The following ANKS1B variants were observed in gnomAD, a reference collection of about 807,000 sequenced individuals.
The protein encoded by ANKS1B is ankyrin repeat and sterile alpha motif domain containing 1B.
Under a neutral mutation model 148.3 loss-of-function variants are expected in ANKS1B, and 36 were observed. The observed-to-expected ratio is 0.24, with a 90% CI of 0.19 to 0.32. ANKS1B has a LOEUF of 0.32. ANKS1B is among the 10% of genes least tolerant of loss of function. ANKS1B has a pLI of 1.00. For synonymous variants in ANKS1B, 542 were observed against 560.8 expected (o/e 0.97, Z 0.47); for missense variants, 1,157 against 1,542.6 (o/e 0.75, Z 4.19).
intron 1 of ANKS1B, among the ~76,000 whole-genome samples, chr12:99,951,171 C>A (rs1278498711): frequency 6.6e-6 from 1 of 152,166 alleles, no homozygotes; most frequent in East Asian, 1.9e-4. Flanking sequence ...TTTATACTCC[C>A]TTCACAAAGC....
chr12:99,793,368 C>T (rs1211149299), intron 4 of ANKS1B, among the ~76,000 whole-genome samples: 1 of 151,932 alleles, frequency 6.6e-6, no homozygotes, highest in Admixed American at 6.6e-5. Flanking sequence ...ACCAAATACC[C>T]AGAATAGCCA....
chr12:99,542,208 C>T (rs529467084), intron 9 of ANKS1B, among the ~76,000 whole-genome samples: 1 of 152,222 alleles, frequency 6.6e-6, no homozygotes, highest in African/African-American at 2.4e-5. Context: ...TGGACAAGTT[C>T]AGCAAGTTTG....
Position 99,196,679 on chromosome 12 carries a change from A to T in ANKS1B, c.2420-42284T>A, listed in dbSNP as rs60394982. Reference sequence around the variant, plus strand: ...AGGGTACATGTGCACAATGTGCAGGATAGTTACATATGTATACATGTGCCA... The same window carrying T: ...AGGGTACATGTGCACAATGTGCAGGTTAGTTACATATGTATACATGTGCCA... On this transcript the variant is annotated intron_variant, in intron 14 of 26. Coordinates refer to ENST00000683438, the MANE Select transcript of ANKS1B (RefSeq NM_001352186.2). 4.4e-3 allele frequency among the ~76,000 whole-genome samples: 662 copies of T among 151,464 alleles called. 22 individuals are homozygous for T. In the East Asian group the frequency reaches 0.086, roughly 20 times the overall value.
intron 9 of ANKS1B, among the ~76,000 whole-genome samples, chr12:99,557,367 TTTTC>T (rs1339826991): frequency 2.0e-5 from 3 of 152,196 alleles, no homozygotes; most frequent in Admixed American, 6.5e-5. Flanking sequence ...TTTAATTCTT[TTTTC>T]TTTATTTTTG....
chr12:99,073,992 A>C (rs1249058919), intron 16 of ANKS1B, among the ~76,000 whole-genome samples: 1 of 152,210 alleles, frequency 6.6e-6, no homozygotes, highest in Non-Finnish European at 1.5e-5. Flanking sequence ...GACTCCAGTG[A>C]GAGGAAGAGC....
At chr12:99,828,452 C>T (rs1463216741) in intron 1 of ANKS1B, among the ~76,000 whole-genome samples, 1 of 152,050 alleles carries the variant, frequency 6.6e-6, no homozygotes, top group African/African-American at 2.4e-5. Context: ...TTTTTGAAAA[C>T]CTCCACTCTC....
chr12:99,850,247 T>A (rs140862387), intron 1 of ANKS1B, among the ~76,000 whole-genome samples: 1 of 144,924 alleles, frequency 6.9e-6, no homozygotes, highest in Non-Finnish European at 1.5e-5. Context: ...AAATATGGTA[T>A]CTTCGCATTT....
chr12:98,969,645 A>C (rs957001339), intron 17 of ANKS1B, among the ~76,000 whole-genome samples: 3 of 152,192 alleles, frequency 2.0e-5, no homozygotes, highest in Non-Finnish European at 4.4e-5. Flanking sequence ...ATTATTTTAA[A>C]CACAAGCTGC....
chr12:98,941,445 A>T (rs1056999665), intron 17 of ANKS1B, among the ~76,000 whole-genome samples: 4 of 152,234 alleles, frequency 2.6e-5, no homozygotes, highest in Admixed American at 2.0e-4. Context: ...CAAGAAGGAG[A>T]GGCATCACCT....
intron 9 of ANKS1B, among the ~76,000 whole-genome samples, chr12:99,560,047 C>T (rs1262882997): frequency 1.3e-5 from 2 of 152,062 alleles, no homozygotes; most frequent in Non-Finnish European, 2.9e-5. Flanking sequence ...TTACTTGAAG[C>T]AAACATTTTA....
intron 1 of ANKS1B, among the ~76,000 whole-genome samples, chr12:99,919,460 A>G (rs2094281036): frequency 6.6e-6 from 1 of 152,222 alleles, no homozygotes; most frequent in Non-Finnish European, 1.5e-5. Context: ...AATAATGTAG[A>G]AAATCCTAAG....
At chr12:99,332,043 G>A (rs150467810) in intron 12 of ANKS1B, among the ~76,000 whole-genome samples, 153 of 152,108 alleles carry the variant, frequency 1.0e-3, no homozygotes, top group Non-Finnish European at 1.6e-3. Context: ...TAGTCCTTCC[G>A]TTCTATTGAG....
intron 1 of ANKS1B, among the ~76,000 whole-genome samples, chr12:99,836,377 T>C (rs541703794): frequency 4.4e-4 from 67 of 152,204 alleles, no homozygotes; most frequent in African/African-American, 1.4e-3. Context: ...TAGACTGTAA[T>C]GCACAATTTT....
At chr12:99,703,681 C>T (rs762570764) in intron 8 of ANKS1B, among the ~76,000 whole-genome samples, 1 of 152,076 alleles carries the variant, frequency 6.6e-6, no homozygotes, top group Non-Finnish European at 1.5e-5. Context: ...TTGTTCTCTA[C>T]TCCCAGGATA....
intron 12 of ANKS1B, among the ~76,000 whole-genome samples, chr12:99,320,974 AG>A (rs1566887008): frequency 6.6e-6 from 1 of 152,200 alleles, no homozygotes; most frequent in Non-Finnish European, 1.5e-5. Flanking sequence ...GGTCCACTCC[AG>A]ACCCTGTTTG....
At chr12:99,057,567 A>G (rs1343201968) in intron 16 of ANKS1B, among the ~76,000 whole-genome samples, 1 of 152,154 alleles carries the variant, frequency 6.6e-6, no homozygotes, top group Non-Finnish European at 1.5e-5. Context: ...ATATCTAACG[A>G]GGTCACTCAA....
chr12:99,264,010 C>T (rs1000095178), intron 12 of ANKS1B, among the ~76,000 whole-genome samples: 1 of 152,094 alleles, frequency 6.6e-6, no homozygotes, highest in South Asian at 2.1e-4. Context: ...ATCCATTGCC[C>T]TAAAAATTCT....
intron 15 of ANKS1B, among the ~76,000 whole-genome samples, chr12:99,131,684 T>C (rs1462497350): frequency 6.6e-6 from 1 of 152,222 alleles, no homozygotes; most frequent in East Asian, 1.9e-4. Context: ...TCATTTATAA[T>C]GGGAACATAT....
intron 12 of ANKS1B, among the ~76,000 whole-genome samples, chr12:99,341,681 C>T (rs1362168185): frequency 1.3e-5 from 2 of 152,028 alleles, no homozygotes; most frequent in East Asian, 3.9e-4. Context: ...ATAATGGATA[C>T]AGAATGGGTA....
Sources: allele counts gnomAD v4.1 joint callset (sites outside exome capture counted in the v4.1 genomes callset), GRCh38; gene constraint gnomAD v4.1.1; transcripts MANE v1.5; gene names NCBI Gene and HGNC (gene_info 2026-07-23, HGNC 2026-07-21).